SYN2: variants seen among roughly 807,000 people sequenced by gnomAD.
SYN2 encodes synapsin-2.
In SYN2, 19 loss-of-function variants were observed where a neutral mutation model predicts 50.9. That is an observed-to-expected ratio of 0.37 (90% CI 0.26 to 0.55). The LOEUF is 0.55. Among genes scored for constraint, SYN2 ranks in the 20% least tolerant of loss-of-function variants. SYN2 has a pLI of 0.81. For missense variants in SYN2, 587 were observed against 576.4 expected, an observed-to-expected ratio of 1.02 and a Z score of -0.19; for synonymous variants, 255 against 224.9, an observed-to-expected ratio of 1.13 and a Z score of -1.20.
At chr3:12,113,344 G>A (rs1428410927) in intron 1 of SYN2, among the ~76,000 whole-genome samples, 1 of 151,906 alleles carries the variant, frequency 6.6e-6, no homozygotes, top group Non-Finnish European at 1.5e-5. Flanking sequence ...CATAATATTT[G>A]TAATTATTTA....
At chr3:12,020,894 T>C (rs1241604998) in intron 1 of SYN2, among the ~76,000 whole-genome samples, 1 of 152,224 alleles carries the variant, frequency 6.6e-6, no homozygotes, top group Non-Finnish European at 1.5e-5. Context: ...TGATTTATTA[T>C]ATCAGTATGA....
At chr3:12,037,994 A>ACT (rs1328505862) in intron 1 of SYN2, among the ~76,000 whole-genome samples, 2 of 152,162 alleles carry the variant, frequency 1.3e-5, no homozygotes, top group Non-Finnish European at 2.9e-5. Context: ...CCAAGATCAC[A>ACT]AAGACTTACA....
intron 1 of SYN2, among the ~76,000 whole-genome samples, chr3:12,138,748 A>G (rs1696953935): frequency 6.6e-6 from 1 of 152,240 alleles, no homozygotes; most frequent in Admixed American, 6.5e-5. Flanking sequence ...TACCTCACAG[A>G]AGGAGAGCTA....
In SYN2 at chr3:12,187,383, C is replaced by T; in HGVS notation, c.1384C>T (p.Pro462Ser). The change falls in exon 12 of 13, where the codon CCC becomes TCC. Residue 462 changes from proline to serine, a missense_variant. Physicochemically the swap from Pro to Ser is moderately conservative, Grantham distance 74 (BLOSUM62 -1). Coordinates refer to ENST00000621198, the MANE Select transcript of SYN2 (RefSeq NM_133625.6). ...RPPPQGGPGQ[P>S]QGMQPPGKVL... ...ACTGAACCTAGGGGGCCCTGGGCAACCCCAAGGAATGCAGCCCCCAGGCAA... is the reference window on the plus strand; with the variant it reads ...ACTGAACCTAGGGGGCCCTGGGCAATCCCAAGGAATGCAGCCCCCAGGCAA... 6.5e-7 allele frequency: 1 copy of T among 1,547,152 alleles called. No homozygotes were observed. Among genetic ancestry groups the T allele is most frequent in the Non-Finnish European group, 8.7e-7 (1 of 1,143,406 alleles).
chr3:12,091,822 T>G (rs1695836158), intron 1 of SYN2, among the ~76,000 whole-genome samples: 1 of 152,186 alleles, frequency 6.6e-6, no homozygotes, highest in African/African-American at 2.4e-5. Context: ...ACCAAATAAA[T>G]GTAAGCAGCC....
chr3:12,024,010 A>G (rs1273226864), intron 1 of SYN2, among the ~76,000 whole-genome samples: 1 of 152,070 alleles, frequency 6.6e-6, no homozygotes, highest in Non-Finnish European at 1.5e-5. Flanking sequence ...AAAGTATAAA[A>G]CTGACATACA....
intron 2 of SYN2, among the ~76,000 whole-genome samples, 155 bp downstream of exon 2, chr3:12,140,863 C>G (rs1464395125): frequency 2.0e-5 from 3 of 152,130 alleles, no homozygotes; most frequent in Non-Finnish European, 2.9e-5. Context: ...TCCCCAGGAC[C>G]TTTCTGTCTG....
intron 1 of SYN2, among the ~76,000 whole-genome samples, chr3:12,063,715 C>G (rs1428506782): frequency 4.0e-5 from 6 of 151,804 alleles, no homozygotes; most frequent in African/African-American, 7.3e-5. Flanking sequence ...GAGCCTGAAG[C>G]CCAATTGAAA....
Position 12,111,526 on chromosome 3 carries a change from G to A in SYN2, c.378-29125G>A, listed in dbSNP as rs1696316441. Among the ~76,000 whole-genome samples the A allele has an allele frequency of 2.0e-5, 3 of 152,222 alleles. No homozygotes were observed. The South Asian group carries it at 6.2e-4, about 32-fold the overall frequency. ...TCTCATCCTATTCAGATCCTTTTCA[G>A]GTCCTTCGGCAACCCTAAAGAACTA... is the stretch of plus-strand genomic sequence containing the variant. On this transcript the variant is annotated intron_variant, in intron 1 of 12. Transcript: ENST00000621198.
At chr3:12,071,016 G>A (rs528362764) in intron 1 of SYN2, 22 of 553,300 alleles carry the variant, frequency 4.0e-5, no homozygotes, top group Middle Eastern at 3.1e-4. Flanking sequence ...GTCTGGAGGC[G>A]CTGTTATAGC....
intron 4 of SYN2, 30 bp downstream of exon 4, chr3:12,145,865 A>G: frequency 6.2e-7 from 1 of 1,611,844 alleles, no homozygotes; most frequent in Middle Eastern, 1.8e-4. Flanking sequence ...CCCAAGTAAA[A>G]GGGTAGGATT....
intron 1 of SYN2, among the ~76,000 whole-genome samples, chr3:12,034,876 T>C (rs1223220737): frequency 6.6e-6 from 1 of 152,168 alleles, no homozygotes; most frequent in Non-Finnish European, 1.5e-5. Context: ...ATTTATTCAG[T>C]GCCGATGGCC....
chr3:12,044,208 CA>C lies in SYN2; in HGVS notation c.377+39281del, dbSNP rs1385927754. Among the ~76,000 whole-genome samples the C allele has an allele frequency of 8.7e-4, 33 of 38,098 alleles. No homozygotes were observed. The East Asian group carries it at 9.5e-3, about 11-fold the overall frequency. 25.0% of individuals were successfully genotyped at this position (38,098 alleles called of 152,430 possible). On this transcript the variant is annotated intron_variant, in intron 1 of 12. Transcript: ENST00000621198. The stretch of plus-strand genomic sequence containing the variant: ...ACACACACACACACACACACACACA[CA>C]CACACACACACACAGGTGTGAGGAG...
At chr3:12,173,472 T>G (rs1023019952) in intron 10 of SYN2, among the ~76,000 whole-genome samples, 1 of 152,346 alleles carries the variant, frequency 6.6e-6, no homozygotes, top group Non-Finnish European at 1.5e-5. Context: ...TTCAAGTATC[T>G]GCTTTCTTCT....
intron 1 of SYN2, among the ~76,000 whole-genome samples, chr3:12,007,986 CTTA>C (rs1223400656): frequency 6.6e-6 from 1 of 152,054 alleles, no homozygotes; most frequent in Non-Finnish European, 1.5e-5. Flanking sequence ...CTTTATATAC[CTTA>C]TTATTTATTA....
chr3:12,056,922 GT>G (rs1695003119), intron 1 of SYN2, among the ~76,000 whole-genome samples: 1 of 152,106 alleles, frequency 6.6e-6, no homozygotes, highest in Admixed American at 6.5e-5. Context: ...CAACTAATCT[GT>G]TATATAAAAG....
intron 1 of SYN2, among the ~76,000 whole-genome samples, chr3:12,041,748 A>C (rs1694623957): frequency 6.6e-6 from 1 of 151,922 alleles, no homozygotes; most frequent in South Asian, 2.1e-4. Flanking sequence ...TCTAGTTGCC[A>C]CTCCTGTGCA....
chr3:12,173,830 C>T (rs1269894846), intron 10 of SYN2, among the ~76,000 whole-genome samples: 1 of 152,154 alleles, frequency 6.6e-6, no homozygotes, highest in Non-Finnish European at 1.5e-5. Context: ...AGGAGAATCA[C>T]CTGAACCCGG....
chr3:12,096,748 G>A (rs1243441148), intron 1 of SYN2, among the ~76,000 whole-genome samples: 2 of 151,962 alleles, frequency 1.3e-5, no homozygotes, highest in African/African-American at 4.8e-5. Flanking sequence ...TAGAAGTTTT[G>A]CAGTTTAAAA....
Sources: allele counts gnomAD v4.1 joint callset (sites outside exome capture counted in the v4.1 genomes callset), GRCh38; gene constraint gnomAD v4.1.1; transcripts MANE v1.5; gene names NCBI Gene and HGNC (gene_info 2026-07-23, HGNC 2026-07-21).